The following RBFOX1 variants were observed in gnomAD, a reference collection of about 807,000 sequenced individuals.
RBFOX1 encodes RNA binding fox-1 homolog 1.
In RBFOX1, 8 loss-of-function variants were observed where a neutral mutation model predicts 57.7. The ratio of observed to expected loss-of-function variants is 0.14; its 90% CI spans 0.08 to 0.25. The LOEUF (loss-of-function observed/expected upper bound fraction) is 0.25, where lower values mean the gene tolerates loss of function less well. Ranked by LOEUF, RBFOX1 falls within the 10% of genes least tolerant of loss-of-function variation. The probability of loss-of-function intolerance (pLI) is 1.00; values close to 1 mark genes in which losing one functional copy is unlikely to be tolerated. For synonymous variants in RBFOX1, 326 were observed against 222.4 expected, an observed-to-expected ratio of 1.47 and a Z score of -4.15; for missense variants, 611 against 548.5, an observed-to-expected ratio of 1.11 and a Z score of -1.14.
intron 3 of RBFOX1, among the ~76,000 whole-genome samples, chr16:6,924,380 G>C (rs538479667): frequency 6.6e-6 from 1 of 151,950 alleles, no homozygotes; most frequent in South Asian, 2.1e-4. Context: ...GAGGGGAGGA[G>C]GTGCCAGCCT....
At chr16:6,155,822 A>G (rs910799350) in intron 1 of RBFOX1, among the ~76,000 whole-genome samples, 2 of 152,142 alleles carry the variant, frequency 1.3e-5, no homozygotes, top group African/African-American at 4.8e-5. Flanking sequence ...TTATAGTTTA[A>G]AAGAACACAC....
intron 4 of RBFOX1, among the ~76,000 whole-genome samples, chr16:7,256,606 T>C (rs988090828): frequency 6.6e-6 from 1 of 152,202 alleles, no homozygotes; most frequent in Non-Finnish European, 1.5e-5. Context: ...GGTGGCCTTC[T>C]GGATGGCCAC....
chr16:5,433,712 G>A (rs993245807), intron 1 of RBFOX1, among the ~76,000 whole-genome samples: 1 of 152,170 alleles, frequency 6.6e-6, no homozygotes, highest in South Asian at 2.1e-4. Context: ...CTGAATAACT[G>A]CTTTCCCTCT....
At chr16:7,570,715 T>C (rs1452490714) in intron 5 of RBFOX1, among the ~76,000 whole-genome samples, 2 of 152,230 alleles carry the variant, frequency 1.3e-5, no homozygotes, top group African/African-American at 4.8e-5. Flanking sequence ...AATACCATTT[T>C]ACCTGGCAAT....
intron 4 of RBFOX1, among the ~76,000 whole-genome samples, chr16:7,453,495 C>G (rs1442174505): frequency 6.6e-6 from 1 of 152,136 alleles, no homozygotes; most frequent in African/African-American, 2.4e-5. Context: ...GCATTGTAGC[C>G]TTAAAAGGAC....
chr16:7,254,761 A>C (rs141548231), intron 4 of RBFOX1, among the ~76,000 whole-genome samples: 268 of 152,282 alleles, frequency 1.8e-3, no homozygotes, highest in Middle Eastern at 3.4e-3. Context: ...TCTCTGAAGC[A>C]TTATTGCTCA....
At chr16:6,837,015 A>G (rs2093148904) in intron 3 of RBFOX1, among the ~76,000 whole-genome samples, 1 of 152,070 alleles carries the variant, frequency 6.6e-6, no homozygotes, top group Non-Finnish European at 1.5e-5. Context: ...GGATGAACAC[A>G]CCTATTTACT....
chr16:6,592,755 G>T (rs918861436), intron 2 of RBFOX1, among the ~76,000 whole-genome samples: 2 of 151,654 alleles, frequency 1.3e-5, no homozygotes, highest in African/African-American at 2.4e-5. Flanking sequence ...GCTCCCCCTG[G>T]TAGATGAAAT....
chr16:6,364,757 C>T, intron 2 of RBFOX1, among the ~76,000 whole-genome samples: 1 of 152,184 alleles, frequency 6.6e-6, no homozygotes, highest in Admixed American at 6.5e-5. Context: ...TATCAGAGGA[C>T]ATTCTAAGAA....
intron 1 of RBFOX1, among the ~76,000 whole-genome samples, chr16:6,277,578 C>T (rs773274861): frequency 6.7e-6 from 1 of 150,356 alleles, no homozygotes; most frequent in Non-Finnish European, 1.5e-5. Flanking sequence ...TGGAGATCAG[C>T]CTGGGCAATA....
At chr16:7,404,342 C>A (rs2098298541) in intron 4 of RBFOX1, among the ~76,000 whole-genome samples, 1 of 152,146 alleles carries the variant, frequency 6.6e-6, no homozygotes, top group Admixed American at 6.5e-5. Flanking sequence ...CATAAGCCAC[C>A]GTGCCCAGCC....
At chr16:7,476,451 G>A (rs1316415359) in intron 4 of RBFOX1, among the ~76,000 whole-genome samples, 1 of 151,916 alleles carries the variant, frequency 6.6e-6, no homozygotes, top group Admixed American at 6.5e-5. Context: ...CTTAATAAAT[G>A]TTGGTTATTC....
At chr16:5,961,555 C>T (rs2059749081) in intron 4 of RBFOX1, among the ~76,000 whole-genome samples, 3 of 152,120 alleles carry the variant, frequency 2.0e-5, no homozygotes, top group Admixed American at 1.3e-4. Flanking sequence ...GGGTCTTCCT[C>T]TATCACCCAG....
intron 2 of RBFOX1, among the ~76,000 whole-genome samples, chr16:6,504,754 C>A (rs1204632386): frequency 6.6e-6 from 1 of 152,240 alleles, no homozygotes; most frequent in African/African-American, 2.4e-5. Flanking sequence ...ATCGGCACTT[C>A]TATTTAAAAA....
In RBFOX1 at chr16:6,632,303, T is replaced by C. The variant is rs74485084; in HGVS notation, c.-63-22300T>C. ...CAAGGTCAAAACATCTGTGAAACCT[T>C]GCACCAGTTGTAATAAAGATAGCCA... On this transcript the variant is annotated intron_variant, in intron 2 of 15. Transcript: ENST00000550418. 8.0e-3 allele frequency among the ~76,000 whole-genome samples: 1,212 copies of C among 151,842 alleles called. 17 individuals carry two copies. Among genetic ancestry groups the C allele is most frequent in the African/African-American group, 0.027 (1,105 of 41,364 alleles).
chr16:7,256,210 T>C (rs540033894), intron 4 of RBFOX1, among the ~76,000 whole-genome samples: 5 of 152,300 alleles, frequency 3.3e-5, no homozygotes, highest in South Asian at 4.1e-4. Context: ...AGGTTGGCTC[T>C]CCTCTTTACT....
chr16:5,325,942 C>G (rs929932753), intron 1 of RBFOX1, among the ~76,000 whole-genome samples: 1 of 152,138 alleles, frequency 6.6e-6, no homozygotes, highest in East Asian at 1.9e-4. Flanking sequence ...GGGTAAATAC[C>G]TAGAAATGGA....
chr16:7,294,179 A>C (rs992347640), intron 4 of RBFOX1, among the ~76,000 whole-genome samples: 1 of 152,020 alleles, frequency 6.6e-6, no homozygotes, highest in Non-Finnish European at 1.5e-5. Flanking sequence ...CTTCCCACCC[A>C]CTTGTTCATT....
At position 7,067,544 on chromosome 16, in the gene RBFOX1, T is replaced by C. The variant is rs114418771; in HGVS notation, c.27+15446T>C. ...TTTCTTTTTTTGTTTTCTTTTTTTA[T>C]TTTATTATATTTTAAGTTTTAGGGT... On this transcript the variant is annotated intron_variant, in intron 4 of 15. Transcript: ENST00000550418. Among the ~76,000 whole-genome samples the C allele has an allele frequency of 3.2e-3, 483 of 152,114 alleles. 2 individuals are homozygous for C. Among genetic ancestry groups the C allele is most frequent in the Middle Eastern group, 0.014 (4 of 294 alleles).
Sources: gnomAD v4.1 joint callset for allele counts (sites outside exome capture counted in the v4.1 genomes callset) on GRCh38, gnomAD v4.1.1 for gene constraint, MANE v1.5 for transcripts, NCBI Gene and HGNC (gene_info 2026-07-23, HGNC 2026-07-21) for gene names.